SCYL3: variants seen among roughly 807,000 people sequenced by gnomAD.
SCYL3 encodes protein-associating with the carboxyl-terminal domain of ezrin.
In SCYL3, 35 loss-of-function variants were observed where a neutral mutation model predicts 73.8. That is an observed-to-expected ratio of 0.47 (90% CI 0.36 to 0.63). SCYL3 has a LOEUF of 0.63. Among genes scored for constraint, SCYL3 ranks in the 20% least tolerant of loss-of-function variants. The probability of loss-of-function intolerance (pLI) is 0.00; values close to 1 mark genes in which losing one functional copy is unlikely to be tolerated. For missense variants in SCYL3, 712 were observed against 798.9 expected, an observed-to-expected ratio of 0.89 and a Z score of 1.31; for synonymous variants, 277 against 295.2, an observed-to-expected ratio of 0.94 and a Z score of 0.63.
At chr1:169,873,018 G>A (rs1039381474) in intron 5 of SCYL3, among the ~76,000 whole-genome samples, 1 of 152,172 alleles carries the variant, frequency 6.6e-6, no homozygotes, top group Non-Finnish European at 1.5e-5. Context: ...GGACTGTTGA[G>A]AAGACATGAC....
intron 4 of SCYL3, among the ~76,000 whole-genome samples, 184 bp downstream of exon 4, chr1:169,875,794 T>C (rs1393974951): frequency 6.6e-6 from 1 of 152,248 alleles, no homozygotes; most frequent in African/African-American, 2.4e-5. Flanking sequence ...GGAGAAAGGA[T>C]ACATGACCCC....
At chr1:169,868,662 A>G (rs1660198253) in intron 7 of SCYL3, among the ~76,000 whole-genome samples, 1 of 152,228 alleles carries the variant, frequency 6.6e-6, no homozygotes, top group Admixed American at 6.5e-5. Context: ...TAGAAGCCCT[A>G]ATAAATCTGG....
rs1292251294 is a variant in SCYL3 at position 169,853,248 on chromosome 1, T to C, written c.*465A>G. On this transcript the variant is annotated 3_prime_UTR_variant, in exon 13 of 13. Coordinates refer to ENST00000367771, the MANE Select transcript of SCYL3 (RefSeq NM_020423.7). ...GATAGTCTAACTGTAAACAAATAAA[T>C]AAGCTGCCTAAGGAAACCTCAGCAA... 9 of 445,208 alleles carry C rather than the reference T, an allele frequency of 2.0e-5. No individual in the cohort carries two copies. Among genetic ancestry groups the C allele is most frequent in the Non-Finnish European group, 3.2e-5 (8 of 252,272 alleles). 27.6% of individuals were successfully genotyped at this position (445,208 alleles called of 1,614,324 possible). A position where few individuals can be genotyped will look rare whatever the true frequency, so the allele number is the denominator to read the frequency against.
At chr1:169,870,440 T>C in intron 5 of SCYL3, 83 bp from the exon 6 acceptor site, 1 of 830,646 alleles carries the variant, frequency 1.2e-6, no homozygotes, top group Non-Finnish European at 2.0e-6. Flanking sequence ...TTCTCCCATG[T>C]TTGTATTTAT....
intron 1 of SCYL3, among the ~76,000 whole-genome samples, chr1:169,892,883 C>T (rs1167028276): frequency 6.6e-6 from 1 of 152,198 alleles, no homozygotes; most frequent in Non-Finnish European, 1.5e-5. Flanking sequence ...TTGGTCCTAG[C>T]TCCCTTAGCT....
At chr1:169,863,760 T>C (rs949609731) in intron 9 of SCYL3, among the ~76,000 whole-genome samples, 1 of 152,164 alleles carries the variant, frequency 6.6e-6, no homozygotes, top group African/African-American at 2.4e-5. Context: ...AAAGTAGAGA[T>C]ATAAGGAAAT....
intron 3 of SCYL3, among the ~76,000 whole-genome samples, chr1:169,877,439 T>C (rs947477913): frequency 2.0e-5 from 3 of 152,192 alleles, no homozygotes; most frequent in Non-Finnish European, 4.4e-5. Flanking sequence ...ATTACAGGTG[T>C]GAGCCACTGC....
rs1006948764 is a variant in SCYL3, at chr1:169,852,916, C to T, written c.*797G>A. On this transcript the variant is annotated 3_prime_UTR_variant, in exon 13 of 13. Transcript: ENST00000367771. ...CCAAAAGGGTCCTGCTCCAGCCTGG[C>T]TTTCAATGGAAATGGAGGCGCTCCA... 1.2e-6 allele frequency: 2 copies of T among 1,614,144 alleles called. No homozygotes were observed. The highest frequency in any genetic ancestry group is 3.3e-4 in the Middle Eastern group (2 of 6,062).
rs58984684 is a variant in SCYL3 at position 169,851,045 on chromosome 1, C to CTTTTT, written c.*2663_*2667dup. The CTTTTT allele has an allele frequency of 6.9e-4, 12 of 17,312 alleles. No homozygotes were observed. Among genetic ancestry groups the CTTTTT allele is most frequent in the African/African-American group, 9.1e-4 (4 of 4,392 alleles). 1.1% of individuals were successfully genotyped at this position (17,312 alleles called of 1,614,324 possible). On this transcript the variant is annotated 3_prime_UTR_variant, in exon 13 of 13. Coordinates refer to ENST00000367771, the MANE Select transcript of SCYL3 (RefSeq NM_020423.7). ...CCCAAGCCAGGGTAAGCTCAGGGCCCTTTTTTTTTTTTTTTTTTTTTTTTT... is the reference window on the plus strand; with the variant it reads ...CCCAAGCCAGGGTAAGCTCAGGGCCCTTTTTTTTTTTTTTTTTTTTTTTTTTTTTT...
intron 10 of SCYL3, among the ~76,000 whole-genome samples, chr1:169,861,936 C>G (rs1004405598): frequency 6.6e-6 from 1 of 152,090 alleles, no homozygotes; most frequent in Admixed American, 6.5e-5. Context: ...CACGTGACAA[C>G]AGAAGCAGAG....
In SCYL3 at chr1:169,878,687, C is replaced by T. The variant is rs1370129135; in HGVS notation, c.298G>A (p.Val100Ile). 3 of 1,614,066 alleles carry T rather than the reference C, an allele frequency of 1.9e-6. No homozygotes were observed. Among genetic ancestry groups the T allele is most frequent in the Non-Finnish European group, 2.5e-6 (3 of 1,180,048 alleles). The change falls in exon 3 of 13, where the codon GTC (valine) becomes ATC (isoleucine). Residue 100 changes from valine (V) to isoleucine (I), a missense_variant. Coordinates refer to ENST00000367771, the MANE Select transcript of SCYL3 (RefSeq NM_020423.7). ...AATATGTCATAGATCCCAGCACAGA[C>T]CTCTGCAGAAGACAATGTTTCCAAA... Reference protein sequence around the residue: ...VALETLSSAEVCAGIYDILLA... With the variant: ...VALETLSSAEICAGIYDILLA...
At chr1:169,884,936 A>T (rs1043099191) in intron 2 of SCYL3, among the ~76,000 whole-genome samples, 1 of 152,242 alleles carries the variant, frequency 6.6e-6, no homozygotes, top group African/African-American at 2.4e-5. Flanking sequence ...ATCAAATAGG[A>T]CATTTTTTGA....
chr1:169,891,567 G>T (rs1000804999), intron 1 of SCYL3, among the ~76,000 whole-genome samples: 12 of 152,194 alleles, frequency 7.9e-5, no homozygotes, highest in Non-Finnish European at 1.6e-4. Flanking sequence ...TAGTCTGACC[G>T]TCTCTCTCTC....
chr1:169,866,852 T>TGG, intron 8 of SCYL3, 44 bp downstream of exon 8: 1 of 1,079,116 alleles, frequency 9.3e-7, no homozygotes, highest in East Asian at 2.4e-5. Context: ...TATATGGACT[T>TGG]AATCCAAGTT....
At chr1:169,864,626 G>GA in intron 8 of SCYL3, 118 bp from the exon 9 acceptor site, 7 of 1,079,072 alleles carry the variant, frequency 6.5e-6, no homozygotes, top group Non-Finnish European at 9.1e-6. Flanking sequence ...CATTTGAAAT[G>GA]GAGATAGAGA....
At chr1:169,855,724 C>T in intron 11 of SCYL3, 2 of 1,417,210 alleles carry the variant, frequency 1.4e-6, no homozygotes, top group South Asian at 2.7e-5. Context: ...CCCAAAACAC[C>T]CATAAGCTTA....
intron 9 of SCYL3, 91 bp downstream of exon 9, chr1:169,864,278 C>T (rs1467527978): frequency 6.6e-7 from 1 of 1,525,674 alleles, no homozygotes; most frequent in Non-Finnish European, 9.0e-7. Context: ...CAAACATTAA[C>T]TACACCACAC....
At position 169,854,698 on chromosome 1, in the gene SCYL3, T is replaced by C; in HGVS notation, c.1579A>G (p.Lys527Glu). 3.7e-6 allele frequency: 6 copies of C among 1,614,052 alleles called. No individual in the cohort carries two copies. The highest frequency in any genetic ancestry group is 4.2e-6 in the Non-Finnish European group (5 of 1,179,940). Residue 527 changes from lysine (K) to glutamate (E), a missense_variant, in exon 12 of 13, where the codon AAA (lysine) becomes GAA (glutamate). Physicochemically the swap from Lys to Glu is moderately conservative, Grantham distance 56. Coordinates refer to ENST00000367771, the MANE Select transcript of SCYL3 (RefSeq NM_020423.7). ...GTGATTCCACCTCCTGGGTTTACTT[T>C]AGTATCTAAGCTGCTGGGCTCGCAG... ...DDCEPSSLDT[K>E]VNPGGGITAT...
chr1:169,850,402 A>T lies in SCYL3; in HGVS notation c.*3311T>A. On this transcript the variant is annotated 3_prime_UTR_variant, in exon 13 of 13. Transcript: ENST00000367771. Reference sequence around the variant, plus strand: ...TTTGTCCTATTTTTTTTTTTCCGAAATTATGTAACTGTAACCAACCTGAGT... The same window carrying T: ...TTTGTCCTATTTTTTTTTTTCCGAATTTATGTAACTGTAACCAACCTGAGT... 8.0e-7 allele frequency: 1 copy of T among 1,244,922 alleles called. No homozygotes were observed. Among genetic ancestry groups the T allele is most frequent in the Non-Finnish European group, 1.2e-6 (1 of 866,218 alleles). The allele number at this position is 1,244,922 out of a possible 1,614,324, so 77.1% of individuals were successfully genotyped here.
Sources: gnomAD v4.1 joint callset for allele counts (sites outside exome capture counted in the v4.1 genomes callset) on GRCh38, gnomAD v4.1.1 for gene constraint, MANE v1.5 for transcripts, NCBI Gene and HGNC (gene_info 2026-07-23, HGNC 2026-07-21) for gene names.